The following COX16 variants were observed in gnomAD, a reference collection of about 807,000 sequenced individuals.
COX16 encodes the protein cytochrome c oxidase assembly factor COX16.
A neutral mutation model predicts 15.4 loss-of-function variants in COX16; 12 were observed. The observed-to-expected ratio is 0.78, with a 90% CI of 0.50 to 1.26. The LOEUF is 1.26. Ranked by LOEUF, COX16 falls within the 50% of genes most tolerant of loss-of-function variation. COX16 has a pLI of 0.00. For synonymous variants in COX16, 46 were observed against 41.1 expected (o/e 1.12, Z -0.46); for missense variants, 124 against 127.6 (o/e 0.97, Z 0.14).
chr14:70,326,475 A>G, intron 3 of COX16, 26 bp from the exon 4 acceptor site: 1 of 1,543,776 alleles, frequency 6.5e-7, no homozygotes, highest in Non-Finnish European at 8.7e-7. Context: ...AAATTAAAGT[A>G]TAAATATTAG....
intron 1 of COX16, among the ~76,000 whole-genome samples, chr14:70,353,706 G>C (rs1887039505): frequency 6.6e-6 from 1 of 151,862 alleles, no homozygotes; most frequent in African/African-American, 2.4e-5. Flanking sequence ...GTAGAGACAG[G>C]GTTTCACCAT....
intron 1 of COX16, among the ~76,000 whole-genome samples, chr14:70,348,485 C>T (rs371025694): frequency 6.6e-6 from 1 of 152,266 alleles, no homozygotes; most frequent in African/African-American, 2.4e-5. Context: ...CCAACCCCTT[C>T]CAGATGCCTC....
chr14:70,353,044 C>G (rs1313059679), intron 1 of COX16, among the ~76,000 whole-genome samples: 3 of 151,918 alleles, frequency 2.0e-5, no homozygotes, highest in African/African-American at 7.3e-5. Context: ...GGGAGAATCA[C>G]GAGGTCAGGA....
intron 2 of COX16, among the ~76,000 whole-genome samples, chr14:70,337,212 A>T (rs1454580670): frequency 2.0e-5 from 3 of 152,152 alleles, no homozygotes; most frequent in African/African-American, 7.2e-5. Flanking sequence ...TTCTCTGAAA[A>T]GTAGAGCAGA....
intron 1 of COX16, among the ~76,000 whole-genome samples, chr14:70,353,071 G>A (rs1887009671): frequency 6.6e-6 from 1 of 151,888 alleles, no homozygotes; most frequent in South Asian, 2.1e-4. Flanking sequence ...GACCAGCCTG[G>A]CCAATACGGT....
chr14:70,345,545 C>G (rs551392604), intron 1 of COX16, among the ~76,000 whole-genome samples: 2 of 152,260 alleles, frequency 1.3e-5, no homozygotes, highest in Admixed American at 6.5e-5. Context: ...AAGATATTCG[C>G]TCTAAGTACC....
chr14:70,346,173 A>G (rs908343175), intron 1 of COX16, among the ~76,000 whole-genome samples: 2 of 151,092 alleles, frequency 1.3e-5, no homozygotes, highest in Non-Finnish European at 2.9e-5. Context: ...CTCCCAATCC[A>G]CCCCCGATAT....
At chr14:70,359,482 C>A (rs573687535) in intron 1 of COX16, 37 bp downstream of exon 1, 4 of 1,574,334 alleles carry the variant, frequency 2.5e-6, no homozygotes, top group African/African-American at 2.7e-5. Flanking sequence ...GGAGGAGGGT[C>A]CCACCCCTTG....
chr14:70,326,239 ATTTCCTTTCCACTTGATAGAAG>A lies in COX16; in HGVS notation c.*72_*93del. On this transcript the variant is annotated 3_prime_UTR_variant, in exon 4 of 4. Coordinates refer to ENST00000389912, the MANE Select transcript of COX16 (RefSeq NM_016468.7). ...ATATCCAAGTTTCCATGGGCCTGGA[ATTTCCTTTCCACTTGATAGAAG>A]TATATATTAGGAAGTCCAGTTAATA... The A allele has an allele frequency of 9.4e-7, 1 of 1,062,662 alleles. No individual in the cohort carries two copies. The highest frequency in any genetic ancestry group is 1.2e-6 in the Non-Finnish European group (1 of 814,060). 65.8% of individuals were successfully genotyped at this position (1,062,662 alleles called of 1,614,324 possible).
chr14:70,356,697 AAAG>A (rs1323979062), intron 1 of COX16, among the ~76,000 whole-genome samples: 2 of 152,222 alleles, frequency 1.3e-5, no homozygotes, highest in Non-Finnish European at 2.9e-5. Flanking sequence ...TAGAAGATAT[AAAG>A]AAGAACCAAA....
At chr14:70,337,680 T>A (rs1338833129) in intron 2 of COX16, among the ~76,000 whole-genome samples, 1 of 152,164 alleles carries the variant, frequency 6.6e-6, no homozygotes, top group Non-Finnish European at 1.5e-5. Context: ...AACAATAATT[T>A]GTATATGTTC....
intron 2 of COX16, among the ~76,000 whole-genome samples, chr14:70,339,182 C>T (rs978881368): frequency 2.0e-5 from 3 of 152,174 alleles, no homozygotes; most frequent in Non-Finnish European, 2.9e-5. Context: ...ACTTAAATCA[C>T]ATCTTTTGGT....
chr14:70,333,429 C>G (rs2140691857), intron 2 of COX16, among the ~76,000 whole-genome samples: 1 of 152,050 alleles, frequency 6.6e-6, no homozygotes, highest in African/African-American at 2.4e-5. Flanking sequence ...CTGAAAAATA[C>G]AATGAATGAA....
chr14:70,343,617 A>G (rs1886687109), intron 1 of COX16, among the ~76,000 whole-genome samples: 1 of 152,248 alleles, frequency 6.6e-6, no homozygotes, highest in South Asian at 2.1e-4. Flanking sequence ...CAGGGACAAT[A>G]TGGCTATACA....
intron 1 of COX16, among the ~76,000 whole-genome samples, chr14:70,353,449 C>T (rs1264537683): frequency 2.0e-5 from 3 of 147,860 alleles, no homozygotes; most frequent in Non-Finnish European, 4.5e-5. Flanking sequence ...CATATATATA[C>T]ACACATATAT....
At chr14:70,348,271 C>T (rs1886841407) in intron 1 of COX16, among the ~76,000 whole-genome samples, 1 of 152,162 alleles carries the variant, frequency 6.6e-6, no homozygotes, top group Non-Finnish European at 1.5e-5. Flanking sequence ...TGCTAGCTCA[C>T]CACAGTGTAC....
In COX16 at chr14:70,325,976, A is replaced by C. The variant is rs1322210272; in HGVS notation, c.*357T>G. 2 of 153,534 alleles carry C rather than the reference A, an allele frequency of 1.3e-5. No individual in the cohort carries two copies. Among genetic ancestry groups the C allele is most frequent in the African/African-American group, 2.4e-5 (1 of 41,472 alleles). 9.5% of individuals were successfully genotyped at this position (153,534 alleles called of 1,614,324 possible). A position where few individuals can be genotyped will look rare whatever the true frequency, so the allele number is the denominator to read the frequency against. The stretch of plus-strand genomic sequence containing the variant: ...CTCATTAGGAATCAGAAATCAGAGA[A>C]TCAGAAATCAGAATGAAATATCAAA... On this transcript the variant is annotated 3_prime_UTR_variant, in exon 4 of 4. Coordinates refer to ENST00000389912, the MANE Select transcript of COX16 (RefSeq NM_016468.7).
intron 1 of COX16, among the ~76,000 whole-genome samples, chr14:70,350,310 T>C (rs574703251): frequency 2.0e-5 from 3 of 152,210 alleles, no homozygotes; most frequent in African/African-American, 7.2e-5. Flanking sequence ...ACTAGGACAC[T>C]TCCTGTTTAC....
intron 1 of COX16, among the ~76,000 whole-genome samples, chr14:70,354,615 G>A (rs969693035): frequency 2.0e-5 from 3 of 152,202 alleles, no homozygotes; most frequent in East Asian, 1.9e-4. Context: ...CAGAAGCTCT[G>A]CATGCAGGAC....
Sources: gnomAD v4.1 joint callset for allele counts (sites outside exome capture counted in the v4.1 genomes callset) on GRCh38, gnomAD v4.1.1 for gene constraint, MANE v1.5 for transcripts, NCBI Gene and HGNC (gene_info 2026-07-23, HGNC 2026-07-21) for gene names.